Variants in PTPRD observed in about 807,000 individuals in gnomAD.
PTPRD encodes the protein protein tyrosine phosphatase receptor type D.
PTPRD carries 34 observed loss-of-function variants against 214.5 expected under a neutral mutation model. The ratio of observed to expected loss-of-function variants is 0.16; its 90% CI spans 0.12 to 0.21. The LOEUF is 0.21. Ranked by LOEUF, PTPRD falls within the 10% of genes least tolerant of loss-of-function variation. The pLI is 1.00. For synonymous variants in PTPRD, 1,128 were observed against 845.7 expected (o/e 1.33, Z -5.79); for missense variants, 2,545 against 2,398.7 (o/e 1.06, Z -1.27).
At chr9:9,331,695 T>C (rs2042370325) in intron 9 of PTPRD, among the ~76,000 whole-genome samples, 1 of 152,064 alleles carries the variant, frequency 6.6e-6, no homozygotes, top group Non-Finnish European at 1.5e-5. Flanking sequence ...ATTTACAGAA[T>C]AGAAGTCTCT....
chr9:8,341,588 G>C (rs377629522), intron 40 of PTPRD, 105 bp downstream of exon 40: 1 of 1,302,634 alleles, frequency 7.7e-7, no homozygotes. Flanking sequence ...AAGGTCAAAT[G>C]AATCTTGTAC....
At chr9:8,901,309 A>G (rs1212314140) in intron 11 of PTPRD, among the ~76,000 whole-genome samples, 1 of 152,220 alleles carries the variant, frequency 6.6e-6, no homozygotes, top group Non-Finnish European at 1.5e-5. Context: ...AAGTTCCAGA[A>G]GAGAAAGAAA....
intron 10 of PTPRD, among the ~76,000 whole-genome samples, chr9:9,097,462 G>A (rs2099785168): frequency 6.6e-6 from 1 of 150,644 alleles, no homozygotes; most frequent in South Asian, 2.1e-4. Context: ...AGGCTGGAAT[G>A]CAGTGGCGCA....
At chr9:8,539,268 A>G (rs1377825849) in intron 14 of PTPRD, among the ~76,000 whole-genome samples, 2 of 151,968 alleles carry the variant, frequency 1.3e-5, no homozygotes, top group Non-Finnish European at 2.9e-5. Context: ...TAAAGAAAGC[A>G]GTCTGTGAGA....
intron 9 of PTPRD, among the ~76,000 whole-genome samples, chr9:9,226,866 A>T (rs1271104336): frequency 6.6e-6 from 1 of 152,136 alleles, no homozygotes; most frequent in South Asian, 2.1e-4. Flanking sequence ...AATCATATGA[A>T]GATATGGTCA....
chr9:8,403,581 A>C (rs1047597180), intron 36 of PTPRD, among the ~76,000 whole-genome samples: 1 of 152,230 alleles, frequency 6.6e-6, no homozygotes. Flanking sequence ...TATGCCACAC[A>C]AAAGGGATTT....
intron 8 of PTPRD, among the ~76,000 whole-genome samples, chr9:9,477,748 T>C (rs1297348770): frequency 1.3e-5 from 2 of 152,178 alleles, no homozygotes; most frequent in African/African-American, 2.4e-5. Flanking sequence ...GGTGCAAGAA[T>C]GTAATAATGA....
At chr9:8,814,156 C>A (rs2096873296) in intron 11 of PTPRD, among the ~76,000 whole-genome samples, 1 of 111,212 alleles carries the variant, frequency 9.0e-6, no homozygotes, top group Non-Finnish European at 2.3e-5. Context: ...TGGCTTTATG[C>A]AAGTATTTTT....
rs990230628 is a variant in PTPRD, at chr9:9,310,761, T to C, written c.-203+86688A>G. 2.8e-4 allele frequency among the ~76,000 whole-genome samples: 43 copies of C among 151,790 alleles called. 1 individual carries two copies. The highest frequency in any genetic ancestry group is 1.0e-3 in the African/African-American group (43 of 41,386). ...GGAGAAATGCCGTCTCTACTAAAAA[T>C]ACAAAAATTAGCCGGGCATGGTGGC... is the stretch of plus-strand genomic sequence containing the variant. On this transcript the variant is annotated intron_variant, in intron 9 of 45. Coordinates refer to ENST00000381196, the MANE Select transcript of PTPRD (RefSeq NM_002839.4).
intron 9 of PTPRD, among the ~76,000 whole-genome samples, chr9:9,234,813 T>G (rs1241253117): frequency 6.6e-6 from 1 of 152,172 alleles, no homozygotes; most frequent in Non-Finnish European, 1.5e-5. Flanking sequence ...CTATCAGCAT[T>G]TCGCTAAAAG....
At chr9:9,560,484 A>G (rs2082627460) in intron 8 of PTPRD, among the ~76,000 whole-genome samples, 1 of 151,998 alleles carries the variant, frequency 6.6e-6, no homozygotes, top group Admixed American at 6.6e-5. Context: ...CCTCCTCCAC[A>G]CTCACAGGGA....
rs2099356497 is a variant in PTPRD, at chr9:8,989,100, G to C, written c.-104+29597C>G. On this transcript the variant is annotated intron_variant, in intron 11 of 45. Transcript: ENST00000381196. ...GTTTTTTTATTATTGCTATATGATA[G>C]TTGTATATATTTTTGGGGGGCACAT... Among the ~76,000 whole-genome samples, 4 of 151,884 alleles carry C rather than the reference G, an allele frequency of 2.6e-5. No homozygotes were observed. In the South Asian group the frequency reaches 6.2e-4, roughly 24 times the overall value.
chr9:9,579,604 C>T (rs2090108476), intron 7 of PTPRD, among the ~76,000 whole-genome samples: 1 of 152,028 alleles, frequency 6.6e-6, no homozygotes, highest in Non-Finnish European at 1.5e-5. Flanking sequence ...CCTCCTCTAA[C>T]AGGCCCTAGT....
intron 21 of PTPRD, among the ~76,000 whole-genome samples, chr9:8,514,519 A>T (rs576136550): frequency 7.4e-5 from 11 of 149,072 alleles, no homozygotes; most frequent in African/African-American, 2.7e-4. Context: ...CTTTTAGATA[A>T]ACTTAGTTTT....
At chr9:9,814,839 A>C (rs1453025517) in intron 5 of PTPRD, among the ~76,000 whole-genome samples, 1 of 141,974 alleles carries the variant, frequency 7.0e-6, no homozygotes, top group Non-Finnish European at 1.5e-5. Flanking sequence ...TCACTCTGTC[A>C]CATGGGCTGG....
chr9:8,507,291 A>T lies in PTPRD; in HGVS notation c.1677+10T>A. On this transcript the variant is annotated intron_variant, in intron 22 of 45. Coordinates refer to ENST00000381196, the MANE Select transcript of PTPRD (RefSeq NM_002839.4). ...AATAATTCCCAAGGTGAGAAGCACT[A>T]TAGTCTTACCTCCTCTCCATGCTCC... 6.2e-7 allele frequency: 1 copy of T among 1,613,120 alleles called. No homozygotes were observed. Among genetic ancestry groups the T allele is most frequent in the East Asian group, 2.2e-5 (1 of 44,864 alleles).
intron 11 of PTPRD, among the ~76,000 whole-genome samples, chr9:8,744,229 A>C (rs1203210032): frequency 6.6e-6 from 1 of 152,232 alleles, no homozygotes; most frequent in African/African-American, 2.4e-5. Context: ...CCGCTATGGA[A>C]AACGGTGTGA....
intron 11 of PTPRD, among the ~76,000 whole-genome samples, chr9:8,918,295 C>T (rs12335529): frequency 0.013 from 2,053 of 152,120 alleles, 37 homozygotes; most frequent in African/African-American, 0.045. Context: ...CCTCTCTTGG[C>T]CTAGAAAGGG....
chr9:9,038,178 A>G (rs2099627891), intron 10 of PTPRD, among the ~76,000 whole-genome samples: 1 of 152,114 alleles, frequency 6.6e-6, no homozygotes, highest in African/African-American at 2.4e-5. Context: ...ATGTAAGCTG[A>G]ATAAGAAATC....
Sources: gnomAD v4.1 joint callset for allele counts (sites outside exome capture counted in the v4.1 genomes callset) on GRCh38, gnomAD v4.1.1 for gene constraint, MANE v1.5 for transcripts, NCBI Gene and HGNC (gene_info 2026-07-23, HGNC 2026-07-21) for gene names.